Variants in DSCAM observed in about 807,000 individuals in gnomAD.
DSCAM encodes the protein DS cell adhesion molecule.
Under a neutral mutation model 217.7 loss-of-function variants are expected in DSCAM, and 47 were observed. That is an observed-to-expected ratio of 0.22 (90% CI 0.17 to 0.28). The LOEUF (loss-of-function observed/expected upper bound fraction) is 0.28. Among genes scored for constraint, DSCAM ranks in the 10% least tolerant of loss-of-function variants. DSCAM has a pLI of 1.00. For synonymous variants in DSCAM, 1,056 were observed against 1,015.3 expected (o/e 1.04, Z -0.76); for missense variants, 2,080 against 2,618.3 (o/e 0.79, Z 4.49).
At chr21:40,515,040 A>T (rs2076289036) in intron 3 of DSCAM, among the ~76,000 whole-genome samples, 2 of 152,214 alleles carry the variant, frequency 1.3e-5, no homozygotes, top group South Asian at 4.1e-4. Context: ...GGCACTGCTT[A>T]AAAATATTGG....
At chr21:40,061,771 G>A (rs368801157) in intron 28 of DSCAM, among the ~76,000 whole-genome samples, 3 of 152,166 alleles carry the variant, frequency 2.0e-5, no homozygotes, top group South Asian at 4.2e-4. Context: ...ATAACAAAGA[G>A]TACTAATTTT....
chr21:40,167,957 G>A (rs1016562981), intron 15 of DSCAM, among the ~76,000 whole-genome samples: 3 of 152,086 alleles, frequency 2.0e-5, no homozygotes, highest in South Asian at 4.1e-4. Flanking sequence ...CCAGCTACTC[G>A]GGAGGCTGAG....
At chr21:40,805,450 G>A (rs1308925682) in intron 1 of DSCAM, among the ~76,000 whole-genome samples, 3 of 152,142 alleles carry the variant, frequency 2.0e-5, no homozygotes, top group Admixed American at 1.3e-4. Flanking sequence ...GAGACTGGAA[G>A]GCAGTAGAAG....
chr21:40,699,922 C>T (rs1470402113), intron 2 of DSCAM, among the ~76,000 whole-genome samples: 3 of 152,170 alleles, frequency 2.0e-5, no homozygotes, highest in Non-Finnish European at 4.4e-5. Flanking sequence ...AATATATTTT[C>T]AATGTACAGA....
chr21:40,353,538 G>A lies in DSCAM; in HGVS notation c.861C>T (p.Asp287=), dbSNP rs1569080252. The change falls in exon 5 of 33, where the codon GAC becomes GAT. Residue 287 remains aspartate, a synonymous_variant. Coordinates refer to ENST00000400454, the MANE Select transcript of DSCAM (RefSeq NM_001389.5). ...GLLIENIRPS[D]SGSYVCEVSN... ...ACACTTCACAAACATAGCTGCCTGA[G>A]TCCGAGGGGCGAATGTTCTCAATGA... 6.2e-7 allele frequency: 1 copy of A among 1,612,326 alleles called. No individual in the cohort carries two copies. The highest frequency in any genetic ancestry group is 8.5e-7 in the Non-Finnish European group (1 of 1,179,432).
intron 15 of DSCAM, among the ~76,000 whole-genome samples, chr21:40,173,305 GAAT>G (rs1490498691): frequency 6.6e-6 from 1 of 152,172 alleles, no homozygotes; most frequent in East Asian, 1.9e-4. Flanking sequence ...GATTCTTGGA[GAAT>G]AATATTTGAA....
intron 3 of DSCAM, among the ~76,000 whole-genome samples, chr21:40,663,256 A>G (rs2090160553): frequency 2.6e-5 from 1 of 38,080 alleles, no homozygotes; most frequent in Non-Finnish European, 5.8e-5. Flanking sequence ...GTGTATGTCA[A>G]AGTGTGTGTG....
intron 8 of DSCAM, among the ~76,000 whole-genome samples, chr21:40,336,796 G>T (rs533586929): frequency 1.3e-5 from 2 of 152,284 alleles, no homozygotes; most frequent in South Asian, 4.1e-4. Flanking sequence ...AGTCAATGAA[G>T]GAAAGGACCT....
intron 3 of DSCAM, among the ~76,000 whole-genome samples, chr21:40,408,521 C>G (rs543508227): frequency 3.7e-4 from 56 of 152,050 alleles, no homozygotes; most frequent in Non-Finnish European, 6.2e-4. Context: ...TAGTGAGGAG[C>G]ATTGACAACC....
At chr21:40,735,196 C>T (rs1400675352) in intron 1 of DSCAM, among the ~76,000 whole-genome samples, 4 of 152,214 alleles carry the variant, frequency 2.6e-5, no homozygotes. Context: ...TGGGTAAGTA[C>T]TGCATCCTAT....
At chr21:40,764,211 T>C (rs1043549117) in intron 1 of DSCAM, among the ~76,000 whole-genome samples, 3 of 151,604 alleles carry the variant, frequency 2.0e-5, no homozygotes, top group African/African-American at 4.9e-5. Context: ...AAAGGGCTAA[T>C]ATCCAGGATC....
chr21:40,521,482 G>A (rs1163667383), intron 3 of DSCAM, among the ~76,000 whole-genome samples: 1 of 152,132 alleles, frequency 6.6e-6, no homozygotes, highest in East Asian at 1.9e-4. Flanking sequence ...CCTCATTGTG[G>A]TTTGGATTTG....
chr21:40,639,406 G>T (rs1360828553), intron 3 of DSCAM, among the ~76,000 whole-genome samples: 1 of 152,122 alleles, frequency 6.6e-6, no homozygotes, highest in Non-Finnish European at 1.5e-5. Flanking sequence ...GACAAAGTAT[G>T]AGCAGTACTG....
rs1601227494 is a variant in DSCAM at position 40,016,609 on chromosome 21, C to T, written c.5687-3223G>A. Among the ~76,000 whole-genome samples the T allele has an allele frequency of 6.6e-6, 1 of 152,280 alleles. No homozygotes were observed. Among genetic ancestry groups the T allele is most frequent in the South Asian group, 2.1e-4 (1 of 4,824 alleles). ...TGTATGCTAACAATAATTAATTGAG[C>T]CTTCCTCATCCAGCCCCTTTGGACC... On this transcript the variant is annotated intron_variant, in intron 32 of 32. Transcript: ENST00000400454. This position sits in a 1 kb window ranked among gnomAD's most constrained non-coding sequence, Gnocchi z 4.3.
chr21:40,247,120 T>A (rs1021228460), intron 11 of DSCAM, among the ~76,000 whole-genome samples: 1 of 152,142 alleles, frequency 6.6e-6, no homozygotes, highest in African/African-American at 2.4e-5. Flanking sequence ...CTGACCCCCA[T>A]GATTTAATTA....
At chr21:40,572,928 TCCA>T (rs2076819630) in intron 3 of DSCAM, among the ~76,000 whole-genome samples, 1 of 152,158 alleles carries the variant, frequency 6.6e-6, no homozygotes, top group Non-Finnish European at 1.5e-5. Context: ...AATAGAATAC[TCCA>T]CTCAACAACT....
At chr21:40,551,047 G>C (rs9984692) in intron 3 of DSCAM, among the ~76,000 whole-genome samples, 1 of 151,984 alleles carries the variant, frequency 6.6e-6, no homozygotes, top group South Asian at 2.1e-4. Context: ...AACTTAAAAA[G>C]TGTAGTGTTA....
chr21:40,263,952 A>G (rs1275347832), intron 11 of DSCAM, among the ~76,000 whole-genome samples: 5 of 152,198 alleles, frequency 3.3e-5, no homozygotes, highest in Admixed American at 3.3e-4. Context: ...GAAAATCTAG[A>G]GGAAATAAAT....
chr21:40,156,269 G>A (rs2090475230), intron 16 of DSCAM, among the ~76,000 whole-genome samples: 1 of 140,346 alleles, frequency 7.1e-6, no homozygotes, highest in Admixed American at 7.7e-5. Context: ...GGTGGAAGCT[G>A]TGACAGTCAA....
Sources: allele counts gnomAD v4.1 joint callset (sites outside exome capture counted in the v4.1 genomes callset), GRCh38; gene constraint gnomAD v4.1.1; non-coding constraint Gnocchi (gnomAD v3.1); transcripts MANE v1.5; gene names NCBI Gene and HGNC (gene_info 2026-07-23, HGNC 2026-07-21).